The following DCC variants were observed in gnomAD, a reference collection of about 807,000 sequenced individuals.
The protein encoded by DCC is netrin receptor DCC.
Under a neutral mutation model 172.5 loss-of-function variants are expected in DCC, and 58 were observed. The ratio of observed to expected loss-of-function variants is 0.34; its 90% CI spans 0.27 to 0.42. The LOEUF (loss-of-function observed/expected upper bound fraction) is 0.42. DCC is among the 10% of genes least tolerant of loss of function. DCC has a pLI of 1.00. For synonymous variants in DCC, 709 were observed against 644.5 expected (o/e 1.10, Z -1.52); for missense variants, 1,740 against 1,791.0 (o/e 0.97, Z 0.51).
intron 21 of DCC, among the ~76,000 whole-genome samples, chr18:53,433,847 A>G (rs767432012): frequency 2.2e-4 from 34 of 152,298 alleles, no homozygotes; most frequent in Non-Finnish European, 4.0e-4. Flanking sequence ...TTGTCCCAGC[A>G]GATATTAAAC....
chr18:52,792,857 T>C (rs1024609519), intron 2 of DCC, among the ~76,000 whole-genome samples: 4 of 151,418 alleles, frequency 2.6e-5, no homozygotes, highest in Middle Eastern at 3.2e-3. Context: ...TCCATTCCAT[T>C]CGGGTTGATT....
chr18:53,415,264 A>G (rs562004936), intron 20 of DCC, among the ~76,000 whole-genome samples: 102 of 152,304 alleles, frequency 6.7e-4, no homozygotes, highest in Middle Eastern at 3.4e-3. Flanking sequence ...ACAGGAAGCA[A>G]TCGGCAAGTG....
At chr18:52,518,563 T>C (rs1267449447) in intron 1 of DCC, among the ~76,000 whole-genome samples, 1 of 152,136 alleles carries the variant, frequency 6.6e-6, no homozygotes, top group Non-Finnish European at 1.5e-5. Context: ...ACTTGGTGTA[T>C]CTTAGAAAAT....
At chr18:53,356,789 C>A (rs1307465206) in intron 15 of DCC, among the ~76,000 whole-genome samples, 1 of 152,106 alleles carries the variant, frequency 6.6e-6, no homozygotes, top group South Asian at 2.1e-4. Context: ...GGTATTCTTC[C>A]CCATCAAACT....
At chr18:52,837,975 G>C (rs1292241954) in intron 2 of DCC, among the ~76,000 whole-genome samples, 1 of 152,088 alleles carries the variant, frequency 6.6e-6, no homozygotes, top group Non-Finnish European at 1.5e-5. Flanking sequence ...CCAGTGAAGG[G>C]GGAAGCCCTT....
intron 22 of DCC, among the ~76,000 whole-genome samples, chr18:53,437,608 AAAG>A (rs1912028942): frequency 1.3e-5 from 2 of 150,684 alleles, no homozygotes; most frequent in Non-Finnish European, 3.0e-5. Flanking sequence ...AAAAAAAAAA[AAAG>A]CTCACAGAAG....
rs1455376785 is a variant in DCC at position 53,428,021 on chromosome 18, A to C, written c.3164-7123A>C. On this transcript the variant is annotated intron_variant, in intron 21 of 28. Transcript: ENST00000442544. Reference sequence around the variant, plus strand: ...TAATATATAATATAATACTATAATAATATAGAATATATCATATAATAATAT... The same window carrying C: ...TAATATATAATATAATACTATAATACTATAGAATATATCATATAATAATAT... Among the ~76,000 whole-genome samples the C allele has an allele frequency of 5.6e-5, 3 of 53,816 alleles. 1 individual carries two copies. The highest frequency in any genetic ancestry group is 1.2e-4 in the Non-Finnish European group (3 of 24,774). The allele number at this position is 53,816 out of a possible 152,430, so 35.3% of individuals were successfully genotyped here. A position where few individuals can be genotyped will look rare whatever the true frequency, so the allele number is the denominator to read the frequency against.
At chr18:52,996,667 TAAAAC>T (rs2041484851) in intron 5 of DCC, among the ~76,000 whole-genome samples, 1 of 151,878 alleles carries the variant, frequency 6.6e-6, no homozygotes. Context: ...ATTTAAAAAG[TAAAAC>T]AAAATGTTTC....
intron 2 of DCC, among the ~76,000 whole-genome samples, chr18:52,873,406 T>C (rs980250824): frequency 2.0e-5 from 3 of 152,210 alleles, no homozygotes; most frequent in East Asian, 1.9e-4. Context: ...TCAGTAGATA[T>C]ATACACGAGC....
chr18:52,530,286 G>T (rs1173227498), intron 1 of DCC, among the ~76,000 whole-genome samples: 1 of 152,134 alleles, frequency 6.6e-6, no homozygotes, highest in Non-Finnish European at 1.5e-5. Flanking sequence ...TTTTTTGGAT[G>T]TGGAGCTGTA....
intron 12 of DCC, among the ~76,000 whole-genome samples, chr18:53,291,204 A>G (rs939039778): frequency 8.5e-5 from 13 of 152,126 alleles, no homozygotes; most frequent in African/African-American, 3.1e-4. Context: ...AGTATAAGAT[A>G]TTGTAAAAAT....
intron 1 of DCC, among the ~76,000 whole-genome samples, chr18:52,661,761 C>T (rs2144948639): frequency 6.6e-6 from 1 of 152,204 alleles, no homozygotes; most frequent in African/African-American, 2.4e-5. Flanking sequence ...AAAGTAAAAC[C>T]AGCAAATAGG....
intron 14 of DCC, among the ~76,000 whole-genome samples, chr18:53,336,933 T>A (rs2057598214): frequency 6.6e-6 from 1 of 152,214 alleles, no homozygotes; most frequent in Admixed American, 6.5e-5. Context: ...CATATCTTCT[T>A]ACGTACTAAC....
At chr18:52,899,694 C>T (rs2039783039) in intron 2 of DCC, among the ~76,000 whole-genome samples, 1 of 151,790 alleles carries the variant, frequency 6.6e-6, no homozygotes, top group Non-Finnish European at 1.5e-5. Context: ...CAGAATCTCT[C>T]TATCGTGACC....
Position 53,057,381 on chromosome 18 carries a change from C to T in DCC, c.986-5924C>T, listed in dbSNP as rs189071179. 1.1e-4 allele frequency among the ~76,000 whole-genome samples: 16 copies of T among 152,188 alleles called. No individual in the cohort carries two copies. In the East Asian group the frequency reaches 2.9e-3, roughly 28 times the overall value. ...CTGGAAGTCTCCCTTATGTATTATACCTTTCTAAATATGATAAACACTTTT... is the reference window on the plus strand; with the variant it reads ...CTGGAAGTCTCCCTTATGTATTATATCTTTCTAAATATGATAAACACTTTT... On this transcript the variant is annotated intron_variant, in intron 5 of 28. Coordinates refer to ENST00000442544, the MANE Select transcript of DCC (RefSeq NM_005215.4).
At chr18:52,691,041 A>G (rs1451747783) in intron 1 of DCC, among the ~76,000 whole-genome samples, 1 of 152,166 alleles carries the variant, frequency 6.6e-6, no homozygotes, top group Non-Finnish European at 1.5e-5. Flanking sequence ...TTAATTTGCA[A>G]TGAGAAATGT....
chr18:53,403,074 GCA>G (rs3059148), intron 19 of DCC, among the ~76,000 whole-genome samples, 181 bp downstream of exon 19: 11,631 of 145,658 alleles, frequency 0.08, 629 homozygotes, highest in Admixed American at 0.18. Context: ...TTCTAATGGT[GCA>G]CACACACACA....
At chr18:52,736,693 G>A (rs1284776313) in intron 1 of DCC, among the ~76,000 whole-genome samples, 4 of 152,234 alleles carry the variant, frequency 2.6e-5, no homozygotes, top group African/African-American at 9.6e-5. Context: ...AAATAAAAAT[G>A]TTATATAGCA....
chr18:52,589,541 G>A (rs959338321), intron 1 of DCC, among the ~76,000 whole-genome samples: 1 of 152,192 alleles, frequency 6.6e-6, no homozygotes, highest in African/African-American at 2.4e-5. Context: ...TTGTCAATCT[G>A]CAAAGCAGAG....
Sources: allele counts gnomAD v4.1 joint callset (sites outside exome capture counted in the v4.1 genomes callset), GRCh38; gene constraint gnomAD v4.1.1; transcripts MANE v1.5; gene names NCBI Gene and HGNC (gene_info 2026-07-23, HGNC 2026-07-21).